Variants in CFAP44 observed in about 807,000 individuals in gnomAD.
CFAP44 encodes the protein cilia- and flagella-associated protein 44.
CFAP44 carries 134 observed loss-of-function variants against 216.2 expected under a neutral mutation model. The observed-to-expected ratio is 0.62, with a 90% CI of 0.54 to 0.72. The LOEUF (loss-of-function observed/expected upper bound fraction) is 0.72, where lower values mean the gene tolerates loss of function less well. Among genes scored for constraint, CFAP44 ranks in the 30% least tolerant of loss-of-function variants. The pLI is 0.00. For missense variants in CFAP44, 2,035 were observed against 2,182.1 expected, an observed-to-expected ratio of 0.93 and a Z score of 1.34; for synonymous variants, 700 against 727.6, an observed-to-expected ratio of 0.96 and a Z score of 0.61.
chr3:113,437,391 C>A (rs1935261966), intron 1 of CFAP44, among the ~76,000 whole-genome samples: 1 of 152,110 alleles, frequency 6.6e-6, no homozygotes, highest in Non-Finnish European at 1.5e-5. Flanking sequence ...GGGTAAAAAA[C>A]AATTATGGGA....
chr3:113,307,576 G>A (rs1334739823), intron 29 of CFAP44, among the ~76,000 whole-genome samples: 1 of 152,168 alleles, frequency 6.6e-6, no homozygotes, highest in Non-Finnish European at 1.5e-5. Flanking sequence ...TAGACTATAA[G>A]CTCCATGAGG....
At chr3:113,370,471 G>A (rs998160530) in intron 18 of CFAP44, among the ~76,000 whole-genome samples, 29 of 152,056 alleles carry the variant, frequency 1.9e-4, no homozygotes, top group African/African-American at 5.8e-4. Context: ...CAGAACCAAC[G>A]ACAAAAATCA....
chr3:113,440,311 T>A (rs1315031199), intron 1 of CFAP44, among the ~76,000 whole-genome samples: 1 of 152,222 alleles, frequency 6.6e-6, no homozygotes, highest in African/African-American at 2.4e-5. Flanking sequence ...TCTACCCACC[T>A]CCGCCTCCCA....
chr3:113,362,871 T>C, intron 21 of CFAP44: 1 of 1,177,382 alleles, frequency 8.5e-7, no homozygotes, highest in Non-Finnish European at 1.0e-6. Context: ...AACTCTTGGG[T>C]TCTACTTTAT....
At chr3:113,318,047 T>A (rs1357186784) in intron 28 of CFAP44, among the ~76,000 whole-genome samples, 1 of 138,234 alleles carries the variant, frequency 7.2e-6, no homozygotes, top group South Asian at 2.2e-4. Context: ...CCACTACTGG[T>A]TTTTTTTTTT....
chr3:113,414,159 T>C (rs1441208289), intron 6 of CFAP44, among the ~76,000 whole-genome samples: 1 of 152,162 alleles, frequency 6.6e-6, no homozygotes, highest in Non-Finnish European at 1.5e-5. Flanking sequence ...GGCTCTCTGC[T>C]TGTCTATTGT....
At position 113,406,982 on chromosome 3, in the gene CFAP44, A is replaced by G. The variant is rs1341231955; in HGVS notation, c.950T>C (p.Phe317Ser). The G allele has an allele frequency of 9.3e-6, 15 of 1,614,062 alleles. No homozygotes were observed. In the African/African-American group the frequency reaches 1.1e-4, roughly 11 times the overall value. Residue 317 changes from phenylalanine (F) to serine (S), a missense_variant, in exon 8 of 35, where the codon TTT becomes TCT. Phe to Ser is a radical substitution (Grantham distance 155). Transcript: ENST00000393845. Reference protein sequence around the residue: ...GLKLQGSLGRFGKTITTDIEG... With the variant: ...GLKLQGSLGRSGKTITTDIEG... ...TATATCAGTAGTGATTGTTTTGCCA[A>G]ATCGACCTAGTGATCCCTGCAGCTT...
At position 113,306,238 on chromosome 3, in the gene CFAP44, TCAA is replaced by T; in HGVS notation, c.4718_4720del (p.Val1573del). ...TGTATCATATTCCTTTTTGAGGTTA[TCAA>T]CAATTTTCTTTTCTTCAACTAAAGC... On this transcript the variant is annotated inframe_deletion, in exon 30 of 35. Transcript: ENST00000393845. 6.5e-7 allele frequency: 1 copy of T among 1,537,118 alleles called. No individual in the cohort carries two copies. Among genetic ancestry groups the T allele is most frequent in the Non-Finnish European group, 8.7e-7 (1 of 1,146,768 alleles).
chr3:113,427,155 A>G, intron 3 of CFAP44, 32 bp downstream of exon 3: 1 of 1,599,148 alleles, frequency 6.3e-7, no homozygotes, highest in Non-Finnish European at 8.5e-7. Context: ...TAAAACAGTG[A>G]CAATTACTGA....
intron 15 of CFAP44, among the ~76,000 whole-genome samples, chr3:113,388,142 T>C (rs772548864): frequency 3.3e-5 from 5 of 152,044 alleles, no homozygotes; most frequent in Non-Finnish European, 5.9e-5. Flanking sequence ...CAAGCCTGGC[T>C]GGCTTCACCA....
intron 24 of CFAP44, 72 bp from the exon 25 acceptor site, chr3:113,333,655 G>A: frequency 3.0e-6 from 4 of 1,336,954 alleles, no homozygotes; most frequent in South Asian, 2.0e-5. Flanking sequence ...CTTTAATATA[G>A]GCATATATTC....
At chr3:113,422,169 G>A (rs1300547163) in intron 4 of CFAP44, among the ~76,000 whole-genome samples, 7 of 152,140 alleles carry the variant, frequency 4.6e-5, no homozygotes, top group African/African-American at 9.7e-5. Context: ...ATCCTATAGT[G>A]TAGCTTAAGC....
At chr3:113,427,375 A>T (rs370441262) in intron 2 of CFAP44, 36 bp from the exon 3 acceptor site, 1 of 1,509,956 alleles carries the variant, frequency 6.6e-7, no homozygotes, top group South Asian at 1.2e-5. Flanking sequence ...CTAAATTTTG[A>T]TTAAACATTT....
intron 32 of CFAP44, among the ~76,000 whole-genome samples, chr3:113,298,454 A>G (rs931892562): frequency 6.6e-6 from 1 of 152,252 alleles, no homozygotes. Flanking sequence ...CTTCTAAGCC[A>G]TATGGTCCAG....
At chr3:113,377,029 A>G (rs1218126468) in intron 17 of CFAP44, among the ~76,000 whole-genome samples, 2 of 152,240 alleles carry the variant, frequency 1.3e-5, no homozygotes, top group African/African-American at 2.4e-5. Flanking sequence ...AGCAGACAAA[A>G]GGAATATAGA....
At chr3:113,424,499 A>T (rs1291299242) in intron 4 of CFAP44, among the ~76,000 whole-genome samples, 1 of 152,170 alleles carries the variant, frequency 6.6e-6, no homozygotes, top group African/African-American at 2.4e-5. Flanking sequence ...TATACTAATA[A>T]TCATTAAAGG....
intron 15 of CFAP44, among the ~76,000 whole-genome samples, chr3:113,386,440 G>A (rs1933650525): frequency 6.6e-6 from 1 of 152,024 alleles, no homozygotes; most frequent in South Asian, 2.1e-4. Flanking sequence ...TCTGTCTTTT[G>A]TCTATTGCTG....
Position 113,433,593 on chromosome 3 carries a change from A to T in CFAP44, c.72T>A (p.Ser24=). 2 of 1,612,990 alleles carry T rather than the reference A, an allele frequency of 1.2e-6. No individual in the cohort carries two copies. Among genetic ancestry groups the T allele is most frequent in the Non-Finnish European group, 8.5e-7 (1 of 1,179,680 alleles). Residue 24 remains serine, a synonymous_variant, in exon 2 of 35, where the codon TCT becomes TCA. Coordinates refer to ENST00000393845, the MANE Select transcript of CFAP44 (RefSeq NM_001164496.2). ...TTGATTCTGATTTAGAAGACCTCAG[A>T]GACTTCTTCCCATCACTCTTTGATG... ...SVTSKSDGKK[S]LRSSKSESRS...
chr3:113,417,164 C>T (rs932221858), intron 5 of CFAP44: 2 of 152,200 alleles, frequency 1.3e-5, no homozygotes, highest in Non-Finnish European at 2.9e-5. Flanking sequence ...ATAAATCAAC[C>T]TAAATTTTGT....
Sources: allele counts gnomAD v4.1 joint callset (sites outside exome capture counted in the v4.1 genomes callset), GRCh38; gene constraint gnomAD v4.1.1; transcripts MANE v1.5; gene names NCBI Gene and HGNC (gene_info 2026-07-23, HGNC 2026-07-21).